The following MEAK7 variants were observed in gnomAD, a reference collection of about 807,000 sequenced individuals.
MEAK7 encodes the protein MTOR-associated protein MEAK7.
Under a neutral mutation model 40.5 loss-of-function variants are expected in MEAK7, and 68 were observed. The ratio of observed to expected loss-of-function variants is 1.68; its 90% CI spans 1.38 to 2.06. The LOEUF is 2.06. Among genes scored for constraint, MEAK7 ranks in the 30% most tolerant of loss-of-function variants. MEAK7 has a pLI of 0.00. For synonymous variants in MEAK7, 338 were observed against 231.9 expected (o/e 1.46, Z -4.16); for missense variants, 918 against 580.5 (o/e 1.58, Z -5.98).
At chr16:84,487,379 T>A (rs1021665676) in intron 4 of MEAK7, 3 of 300,728 alleles carry the variant, frequency 1.0e-5, no homozygotes, top group Admixed American at 9.7e-5. Context: ...AAAGGGAAAA[T>A]TTCACATGGG....
intron 3 of MEAK7, among the ~76,000 whole-genome samples, chr16:84,495,351 G>A (rs530364142): frequency 6.6e-6 from 1 of 152,196 alleles, no homozygotes; most frequent in Non-Finnish European, 1.5e-5. Flanking sequence ...TTTACTGAGT[G>A]CAAGACAAAC....
chr16:84,489,030 G>A (rs897898806), intron 4 of MEAK7, among the ~76,000 whole-genome samples: 3 of 152,196 alleles, frequency 2.0e-5, no homozygotes, highest in African/African-American at 4.8e-5. Flanking sequence ...AAACCCTTTA[G>A]CTAGACTAAG....
At position 84,479,806 on chromosome 16, in the gene MEAK7, C is replaced by A. The variant is rs762280340; in HGVS notation, c.*107G>T. ...TGGGACTACCAGGCTGTGACCCGTG[C>A]GGTACGCTATTACAGTTAAACCATG... is the stretch of plus-strand genomic sequence containing the variant. On this transcript the variant is annotated 3_prime_UTR_variant, in exon 8 of 8. Transcript: ENST00000343629. The A allele has an allele frequency of 6.5e-6, 5 of 763,944 alleles. No homozygotes were observed. In the South Asian group the frequency reaches 7.6e-5, roughly 12 times the overall value. 47.3% of individuals were successfully genotyped at this position (763,944 alleles called of 1,614,324 possible). A position where few individuals can be genotyped will look rare whatever the true frequency, so the allele number is the denominator to read the frequency against.
At chr16:84,488,490 T>G (rs1361088298) in intron 4 of MEAK7, 3 of 152,182 alleles carry the variant, frequency 2.0e-5, no homozygotes, top group African/African-American at 7.2e-5. Flanking sequence ...AGAATACACA[T>G]TCTTCTCAAA....
chr16:84,487,756 C>G (rs1443600309), intron 4 of MEAK7: 1 of 152,248 alleles, frequency 6.6e-6, no homozygotes, highest in South Asian at 2.1e-4. Flanking sequence ...GGAGCACACA[C>G]CTGGGACTCG....
At chr16:84,486,595 G>A (rs892944424) in intron 5 of MEAK7, 36 bp downstream of exon 5, 43 of 1,558,388 alleles carry the variant, frequency 2.8e-5, no homozygotes, top group Non-Finnish European at 3.6e-5. Context: ...TGCCCGTGCT[G>A]TGCCACTCGT....
intron 1 of MEAK7, among the ~76,000 whole-genome samples, chr16:84,501,475 C>T (rs1597974527): frequency 1.3e-5 from 2 of 152,274 alleles, no homozygotes; most frequent in East Asian, 1.9e-4. Context: ...AGGGTGCAGC[C>T]TGGCCAGCCC....
chr16:84,502,634 A>C (rs1914596434), intron 1 of MEAK7: 1 of 151,988 alleles, frequency 6.6e-6, no homozygotes, highest in Non-Finnish European at 1.5e-5. Flanking sequence ...CTATAATCCC[A>C]GAACTTTGGG....
rs74382883 is a variant in MEAK7, at chr16:84,479,839, G to A, written c.*74C>T. 1.4e-5 allele frequency: 16 copies of A among 1,160,756 alleles called. No individual in the cohort carries two copies. The highest frequency in any genetic ancestry group is 1.7e-5 in the Non-Finnish European group (14 of 824,606). 71.9% of individuals were successfully genotyped at this position (1,160,756 alleles called of 1,614,324 possible). A position where few individuals can be genotyped will look rare whatever the true frequency, so the allele number is the denominator to read the frequency against. On this transcript the variant is annotated 3_prime_UTR_variant, in exon 8 of 8. Transcript: ENST00000343629. ...TATTACAGTTAAACCATGTGGGAGG[G>A]AAGAGGGGCTGCAGGCGTTGCCCTC...
chr16:84,484,651 G>C (rs144534329), intron 5 of MEAK7, among the ~76,000 whole-genome samples: 2 of 152,318 alleles, frequency 1.3e-5, no homozygotes, highest in African/African-American at 4.8e-5. Context: ...TACTCAAGGA[G>C]GTGGCCACCC....
chr16:84,488,916 G>A (rs1464924280), intron 4 of MEAK7, among the ~76,000 whole-genome samples: 5 of 151,678 alleles, frequency 3.3e-5, no homozygotes, highest in African/African-American at 1.2e-4. Context: ...GCAAACAGAA[G>A]GAAGAAAATA....
Position 84,497,948 on chromosome 16 carries a change from G to C in MEAK7, c.139C>G (p.Leu47Val). The change falls in exon 2 of 8, where the codon CTG becomes GTG. Residue 47 changes from leucine to valine, a missense_variant. Transcript: ENST00000343629. ...SPNVSSKSFS[L>V]KALQNHVGEA... ...GTTACTCTTGCCTGTAGTGCCTTCA[G>C]AGAGAAGGATTTGGATGAGACATTC... 1.2e-6 allele frequency: 2 copies of C among 1,614,210 alleles called. No homozygotes were observed. Among genetic ancestry groups the C allele is most frequent in the Non-Finnish European group, 1.7e-6 (2 of 1,180,036 alleles).
chr16:84,482,487 G>C lies in MEAK7; in HGVS notation c.1077+105C>G, dbSNP rs1350779654. On this transcript the variant is annotated intron_variant, in intron 6 of 7. Transcript: ENST00000343629. Reference sequence around the variant, plus strand: ...CTGGACATGGCGTGCGTGAGGAACTGAATGCCACGCGCCCTGCCCTGATCT... The same window carrying C: ...CTGGACATGGCGTGCGTGAGGAACTCAATGCCACGCGCCCTGCCCTGATCT... The C allele has an allele frequency of 8.9e-6, 14 of 1,567,990 alleles. No individual in the cohort carries two copies. In the African/African-American group the frequency reaches 1.2e-4, roughly 14 times the overall value.
At chr16:84,502,219 C>T (rs138842363) in intron 1 of MEAK7, among the ~76,000 whole-genome samples, 40 of 151,856 alleles carry the variant, frequency 2.6e-4, no homozygotes, top group Non-Finnish European at 4.3e-4. Flanking sequence ...CAGTGGAGCT[C>T]GACTGGAGCA....
rs967377993 is a variant in MEAK7, at chr16:84,495,547, A to C, written c.384+136T>G. The C allele has an allele frequency of 6.4e-6, 5 of 787,396 alleles. No homozygotes were observed. The African/African-American group carries it at 7.0e-5, about 11-fold the overall frequency. 48.8% of individuals were successfully genotyped at this position (787,396 alleles called of 1,614,324 possible). A position where few individuals can be genotyped will look rare whatever the true frequency, so the allele number is the denominator to read the frequency against. The stretch of plus-strand genomic sequence containing the variant: ...ACATGCCCTTAACCTTGGCAAAATA[A>C]ACTCCGATTAATTGAAACCCAGCTC... On this transcript the variant is annotated intron_variant, in intron 3 of 7. Coordinates refer to ENST00000343629, the MANE Select transcript of MEAK7 (RefSeq NM_020947.4).
intron 3 of MEAK7, among the ~76,000 whole-genome samples, chr16:84,491,282 C>G (rs746225545): frequency 1.9e-4 from 29 of 151,848 alleles, no homozygotes; most frequent in Non-Finnish European, 4.0e-4. Context: ...TCTAAAAATA[C>G]AAAAATTAAC....
intron 1 of MEAK7, among the ~76,000 whole-genome samples, chr16:84,503,463 T>A (rs563648739): frequency 1.3e-5 from 2 of 152,272 alleles, no homozygotes; most frequent in East Asian, 3.9e-4. Flanking sequence ...CATGCTATAA[T>A]CAGAGTTGAG....
At chr16:84,491,668 C>G (rs1397073101) in intron 3 of MEAK7, among the ~76,000 whole-genome samples, 1 of 151,284 alleles carries the variant, frequency 6.6e-6, no homozygotes, top group South Asian at 2.1e-4. Flanking sequence ...GAAACCCCAT[C>G]TCTACTAAAA....
At chr16:84,496,673 C>A (rs1914078954) in intron 2 of MEAK7, among the ~76,000 whole-genome samples, 1 of 152,152 alleles carries the variant, frequency 6.6e-6, no homozygotes, top group Non-Finnish European at 1.5e-5. Flanking sequence ...AATGCTCCTG[C>A]ATCACCAGGA....
Sources: allele counts gnomAD v4.1 joint callset (sites outside exome capture counted in the v4.1 genomes callset), GRCh38; gene constraint gnomAD v4.1.1; transcripts MANE v1.5; gene names NCBI Gene and HGNC (gene_info 2026-07-23, HGNC 2026-07-21).